RNF157: variants seen among roughly 807,000 people sequenced by gnomAD.
The protein encoded by RNF157 is ring finger protein 157, also known as E3 ubiquitin ligase RNF157.
In RNF157, 55 loss-of-function variants were observed where a neutral mutation model predicts 88.3. The observed-to-expected ratio is 0.62, with a 90% CI of 0.50 to 0.78. The LOEUF (loss-of-function observed/expected upper bound fraction) is 0.78. Among genes scored for constraint, RNF157 ranks in the 30% least tolerant of loss-of-function variants. The probability of loss-of-function intolerance (pLI) is 0.00; values close to 1 mark genes in which losing one functional copy is unlikely to be tolerated. For missense variants in RNF157, 788 were observed against 860.8 expected (o/e 0.92, Z 1.06); for synonymous variants, 334 against 341.2 (o/e 0.98, Z 0.23).
intron 3 of RNF157, among the ~76,000 whole-genome samples, chr17:76,172,182 G>C (rs1345533797): frequency 6.6e-6 from 1 of 152,162 alleles, no homozygotes; most frequent in Non-Finnish European, 1.5e-5. Context: ...AAAATTAAGA[G>C]AGAGAAACAG....
chr17:76,226,318 A>C, intron 1 of RNF157: 1 of 1,604,326 alleles, frequency 6.2e-7, no homozygotes, highest in Non-Finnish European at 8.5e-7. Flanking sequence ...GGGAAAGGGG[A>C]AGAAGTTGCA....
chr17:76,231,667 C>CT (rs1338865962), intron 1 of RNF157, among the ~76,000 whole-genome samples: 1 of 152,178 alleles, frequency 6.6e-6, no homozygotes, highest in East Asian at 1.9e-4. Context: ...CCTTCAATGC[C>CT]TTTTGCTACC....
intron 9 of RNF157, chr17:76,162,256 C>G: frequency 1.7e-6 from 1 of 575,826 alleles, no homozygotes; most frequent in South Asian, 2.3e-5. Flanking sequence ...CTGGGCCTCT[C>G]AAATCTCAGC....
chr17:76,229,955 C>T (rs935712058), intron 1 of RNF157, among the ~76,000 whole-genome samples: 1 of 152,154 alleles, frequency 6.6e-6, no homozygotes. Flanking sequence ...TTTAGGGTAA[C>T]CATGCTTATG....
chr17:76,225,757 GACCC>G (rs1245773255), intron 1 of RNF157: 16 of 1,528,814 alleles, frequency 1.0e-5, no homozygotes, highest in African/African-American at 4.2e-5. Context: ...TCAACTAGGG[GACCC>G]TTTTCTTCCC....
chr17:76,209,774 T>C (rs1254838183), intron 2 of RNF157, among the ~76,000 whole-genome samples: 2 of 152,206 alleles, frequency 1.3e-5, no homozygotes, highest in African/African-American at 4.8e-5. Context: ...GTTTTTGTTT[T>C]TTTGAGACGG....
chr17:76,211,246 A>G (rs1001688328), intron 2 of RNF157, among the ~76,000 whole-genome samples: 5 of 152,212 alleles, frequency 3.3e-5, no homozygotes, highest in Admixed American at 2.0e-4. Context: ...CAATTCAACA[A>G]CTTGAATGCT....
intron 1 of RNF157, among the ~76,000 whole-genome samples, chr17:76,236,985 C>T (rs1490551315): frequency 1.3e-5 from 2 of 152,166 alleles, no homozygotes; most frequent in South Asian, 2.1e-4. Flanking sequence ...GGAAGGAGAA[C>T]CAGGTGGATG....
intron 2 of RNF157, among the ~76,000 whole-genome samples, chr17:76,187,252 C>A (rs1208737888): frequency 6.6e-6 from 1 of 151,578 alleles, no homozygotes; most frequent in South Asian, 2.1e-4. Flanking sequence ...GGTGCGATCT[C>A]GGCTCACCAC....
At chr17:76,194,207 T>C (rs576134969) in intron 2 of RNF157, among the ~76,000 whole-genome samples, 1 of 152,322 alleles carries the variant, frequency 6.6e-6, no homozygotes, top group African/African-American at 2.4e-5. Context: ...CCACATTCCC[T>C]TGTGCCCTCT....
intron 14 of RNF157, among the ~76,000 whole-genome samples, chr17:76,155,962 C>T (rs1456712711): frequency 1.3e-5 from 2 of 152,214 alleles, no homozygotes; most frequent in Admixed American, 6.5e-5. Context: ...TTTTCCCTGT[C>T]ATAATGCTAA....
At chr17:76,222,875 C>T (rs960052303) in intron 1 of RNF157, among the ~76,000 whole-genome samples, 4 of 151,140 alleles carry the variant, frequency 2.6e-5, no homozygotes, top group African/African-American at 4.9e-5. Flanking sequence ...ATGTGGAAGA[C>T]GAGCCAAATG....
chr17:76,230,874 G>GAGAA (rs1568079658), intron 1 of RNF157, among the ~76,000 whole-genome samples: 2 of 104,550 alleles, frequency 1.9e-5, no homozygotes, highest in African/African-American at 1.0e-4. Flanking sequence ...GAGAGAGAGA[G>GAGAA]AGAGAAAGAG....
intron 1 of RNF157, chr17:76,226,144 G>C: frequency 1.2e-6 from 2 of 1,603,616 alleles, no homozygotes; most frequent in Non-Finnish European, 1.7e-6. Flanking sequence ...GGCTCATACA[G>C]ATGCCACTAT....
intron 12 of RNF157, among the ~76,000 whole-genome samples, chr17:76,158,890 C>G (rs750502523): frequency 6.6e-6 from 1 of 152,186 alleles, no homozygotes; most frequent in African/African-American, 2.4e-5. Context: ...CTGCCATTTA[C>G]AGGGTCTCAA....
At position 76,240,442 on chromosome 17, in the gene RNF157, C is replaced by T. The variant is rs1465733530; in HGVS notation, c.-202G>A. On this transcript the variant is annotated 5_prime_UTR_variant, in exon 1 of 19. Coordinates refer to ENST00000269391, the MANE Select transcript of RNF157 (RefSeq NM_052916.3). The surrounding 1 kb of genome is among the most constrained non-coding windows in gnomAD (Gnocchi z 4.4). Reference sequence around the variant, plus strand: ...CCGGGCACCGCGGCGGCGCCTCTGCCAAGGGGGCTGCGGGTCTGGGCCGGG... The same window carrying T: ...CCGGGCACCGCGGCGGCGCCTCTGCTAAGGGGGCTGCGGGTCTGGGCCGGG... 2.7e-5 allele frequency: 4 copies of T among 147,786 alleles called. No individual in the cohort carries two copies. The highest frequency in any genetic ancestry group is 7.3e-5 in the African/African-American group (3 of 40,954). 9.2% of individuals were successfully genotyped at this position (147,786 alleles called of 1,614,324 possible).
Position 76,145,241 on chromosome 17 carries a change from A to G in RNF157, c.2034T>C (p.Ala678=), listed in dbSNP as rs762488130. 1.9e-6 allele frequency: 3 copies of G among 1,601,990 alleles called. No individual in the cohort carries two copies. In the East Asian group the frequency reaches 6.7e-5, roughly 36 times the overall value. The change falls in exon 19 of 19, where the codon GCT becomes GCC. Residue 678 remains alanine, a synonymous_variant. Transcript: ENST00000269391. ...ETRPCVWGPL[A]V Reference sequence around the variant, plus strand: ...CAAGTGCAGAGGCTGGGGCTCAGACAGCCAAAGGGCCCCACACACAGGGCC... The same window carrying G: ...CAAGTGCAGAGGCTGGGGCTCAGACGGCCAAAGGGCCCCACACACAGGGCC...
intron 8 of RNF157, 129 bp from the exon 9 acceptor site, chr17:76,162,752 G>A: frequency 1.8e-6 from 1 of 545,748 alleles, no homozygotes; most frequent in Non-Finnish European, 3.2e-6. Context: ...AAAATCAAAG[G>A]CCTGGATAAG....
Position 76,167,740 on chromosome 17 carries a change from G to A in RNF157, c.354C>T (p.Tyr118=), listed in dbSNP as rs2289603. 0.19 allele frequency: 300,804 copies of A among 1,613,644 alleles called. 28,527 individuals carry two copies. The highest frequency in any genetic ancestry group is 0.28 in the Middle Eastern group (1,698 of 6,062). Residue 118 remains tyrosine (Y), a synonymous_variant, in exon 4 of 19, where the codon TAC becomes TAT. Coordinates refer to ENST00000269391, the MANE Select transcript of RNF157 (RefSeq NM_052916.3). ...CTGTGTCAAAGGTGAACTCAACATT[G>A]TAGTGGACTTTAGCTTTACTGGCCT... ...GEEASKAKVH[Y]NVEFTFDTDA... is the part of the protein sequence containing the mutation.
Sources: allele counts gnomAD v4.1 joint callset (sites outside exome capture counted in the v4.1 genomes callset), GRCh38; gene constraint gnomAD v4.1.1; non-coding constraint Gnocchi (gnomAD v3.1); transcripts MANE v1.5; gene names NCBI Gene and HGNC (gene_info 2026-07-23, HGNC 2026-07-21).